KCNK10: variants seen among roughly 807,000 people sequenced by gnomAD.
KCNK10 encodes the protein potassium channel subfamily K member 10.
In KCNK10, 25 loss-of-function variants were observed where a neutral mutation model predicts 47.7. That is an observed-to-expected ratio of 0.52 (90% CI 0.38 to 0.73). The LOEUF (loss-of-function observed/expected upper bound fraction) is 0.73. Among genes scored for constraint, KCNK10 ranks in the 30% least tolerant of loss-of-function variants. KCNK10 has a pLI of 0.00. For synonymous variants in KCNK10, 303 were observed against 285.6 expected (o/e 1.06, Z -0.61); for missense variants, 563 against 714.5 (o/e 0.79, Z 2.42).
chr14:88,258,729 A>G (rs750146682), intron 2 of KCNK10, among the ~76,000 whole-genome samples: 13 of 152,232 alleles, frequency 8.5e-5, no homozygotes, highest in Admixed American at 2.0e-4. Flanking sequence ...CCTTCATAAC[A>G]GCAACCCATC....
At chr14:88,271,083 CTT>C (rs1566710291) in intron 1 of KCNK10, among the ~76,000 whole-genome samples, 1 of 152,130 alleles carries the variant, frequency 6.6e-6, no homozygotes, top group Non-Finnish European at 1.5e-5. Flanking sequence ...CCTCTTGACT[CTT>C]TTTTTGGTCA....
intron 4 of KCNK10, among the ~76,000 whole-genome samples, chr14:88,209,497 C>T (rs957628954): frequency 2.0e-5 from 3 of 152,234 alleles, no homozygotes; most frequent in South Asian, 2.1e-4. Context: ...CCAGAGGAGC[C>T]GACGAACCTG....
rs1566675247 is a variant in KCNK10 at position 88,183,715 on chromosome 14, G to A, written c.*1820C>T. The A allele has an allele frequency of 6.6e-6, 1 of 152,368 alleles. No individual in the cohort carries two copies. The highest frequency in any genetic ancestry group is 6.5e-5 in the Admixed American group (1 of 15,282). The allele number at this position is 152,368 out of a possible 1,614,324, so 9.4% of individuals were successfully genotyped here. A position where few individuals can be genotyped will look rare whatever the true frequency, so the allele number is the denominator to read the frequency against. ...AACTTCAACAGAGCCTAAAGGTCTG[G>A]GGACAGGGAGATGGGACTTCATGTG... On this transcript the variant is annotated 3_prime_UTR_variant, in exon 7 of 7. Coordinates refer to ENST00000319231, the MANE Select transcript of KCNK10 (RefSeq NM_138317.3).
At chr14:88,300,686 A>G (rs1476483930) in intron 1 of KCNK10, among the ~76,000 whole-genome samples, 3 of 152,178 alleles carry the variant, frequency 2.0e-5, no homozygotes, top group Non-Finnish European at 4.4e-5. Context: ...AACCTGGCTC[A>G]TCATAAGAAT....
intron 5 of KCNK10, 30 bp from the exon 6 acceptor site, chr14:88,188,139 T>C (rs1370608942): frequency 1.2e-6 from 2 of 1,612,604 alleles, no homozygotes; most frequent in Non-Finnish European, 1.7e-6. Flanking sequence ...ACTTTAACCA[T>C]GATCTAGCAT....
At chr14:88,193,812 C>T (rs1884825624) in intron 4 of KCNK10, among the ~76,000 whole-genome samples, 1 of 152,178 alleles carries the variant, frequency 6.6e-6, no homozygotes, top group Non-Finnish European at 1.5e-5. Context: ...ACGGAAACAG[C>T]TTTTCAAGTA....
rs948905098 is a variant in KCNK10, at chr14:88,183,867, G to A, written c.*1668C>T. The A allele has an allele frequency of 6.6e-6, 1 of 152,360 alleles. No homozygotes were observed. The highest frequency in any genetic ancestry group is 2.4e-5 in the African/African-American group (1 of 41,450). 9.4% of individuals were successfully genotyped at this position (152,360 alleles called of 1,614,324 possible). ...GTCAGAAAGCATGAGACAGTTTCTG[G>A]AAGTCTCCGCTAGTGCTGTGATCTT... On this transcript the variant is annotated 3_prime_UTR_variant, in exon 7 of 7. Coordinates refer to ENST00000319231, the MANE Select transcript of KCNK10 (RefSeq NM_138317.3).
At chr14:88,271,583 CCT>C (rs1887406730) in intron 1 of KCNK10, among the ~76,000 whole-genome samples, 1 of 152,114 alleles carries the variant, frequency 6.6e-6, no homozygotes, top group East Asian at 1.9e-4. Flanking sequence ...GAGCTACAAG[CCT>C]CTCTTTTACT....
At chr14:88,221,671 C>T (rs1243978370) in intron 4 of KCNK10, among the ~76,000 whole-genome samples, 1 of 152,154 alleles carries the variant, frequency 6.6e-6, no homozygotes, top group Non-Finnish European at 1.5e-5. Context: ...ATATTCTTAC[C>T]ATCCAATCCA....
intron 4 of KCNK10, among the ~76,000 whole-genome samples, chr14:88,222,561 G>C (rs1885851598): frequency 6.6e-6 from 1 of 152,162 alleles, no homozygotes; most frequent in Admixed American, 6.5e-5. Flanking sequence ...TGATAATGAT[G>C]CATCAATGTA....
intron 4 of KCNK10, among the ~76,000 whole-genome samples, chr14:88,203,259 T>G (rs868736704): frequency 6.6e-6 from 1 of 152,254 alleles, no homozygotes; most frequent in Non-Finnish European, 1.5e-5. Context: ...GATTTGGTCA[T>G]TGTTTTTAAC....
At chr14:88,264,119 A>G (rs1320193049) in intron 1 of KCNK10, among the ~76,000 whole-genome samples, 1 of 152,168 alleles carries the variant, frequency 6.6e-6, no homozygotes, top group Non-Finnish European at 1.5e-5. Context: ...AGGCATAACC[A>G]CTCCTGATCT....
chr14:88,286,823 G>A (rs1203293195), intron 1 of KCNK10, among the ~76,000 whole-genome samples: 1 of 152,074 alleles, frequency 6.6e-6, no homozygotes, highest in Non-Finnish European at 1.5e-5. Flanking sequence ...CTTCCCACCT[G>A]GTCCCACCCA....
Position 88,185,561 on chromosome 14 carries a change from T to G in KCNK10, c.1606A>C (p.Asn536His), listed in dbSNP as rs918004615. ...TDTKDREPEN[N>H]SLLEDRN ...TAGTTTCTGTCTTCAAGTAATGAGTTGTTCTCCGGCTCCCGGTCTTTGGTG... is the reference window on the plus strand; with the variant it reads ...TAGTTTCTGTCTTCAAGTAATGAGTGGTTCTCCGGCTCCCGGTCTTTGGTG... Residue 536 changes from asparagine (N) to histidine (H), a missense_variant, in exon 7 of 7, where the codon AAC (asparagine) becomes CAC (histidine). Asn to His is a moderately conservative substitution (Grantham distance 68, BLOSUM62 1). Coordinates refer to ENST00000319231, the MANE Select transcript of KCNK10 (RefSeq NM_138317.3). The surrounding 1 kb of genome is among the most constrained non-coding windows in gnomAD (Gnocchi z 4.3). 1 of 1,613,756 alleles carries G rather than the reference T, an allele frequency of 6.2e-7. No individual in the cohort carries two copies. Among genetic ancestry groups the G allele is most frequent in the Middle Eastern group, 1.7e-4 (1 of 6,060 alleles).
intron 3 of KCNK10, among the ~76,000 whole-genome samples, chr14:88,229,203 C>CA (rs1256413071): frequency 6.6e-6 from 1 of 152,150 alleles, no homozygotes; most frequent in East Asian, 1.9e-4. Context: ...ACTGGATGAA[C>CA]AGGCATCTCA....
Position 88,185,604 on chromosome 14 carries a change from G to A in KCNK10, c.1563C>T (p.Asn521=), listed in dbSNP as rs574796554. Residue 521 remains asparagine, a synonymous_variant, in exon 7 of 7, where the codon AAC becomes AAT. Transcript: ENST00000319231. The surrounding 1 kb of genome is among the most constrained non-coding windows in gnomAD (Gnocchi z 4.3). ...CTTTGGTGTCCGTGGGTATCATTCC[G>A]TTCTCCAACTCAGCGTGCTGCTGGA... The part of the protein sequence containing the change: ...DCIQQHAELE[N]GMIPTDTKDR... 2.2e-5 allele frequency: 35 copies of A among 1,614,092 alleles called. No individual in the cohort carries two copies. Among genetic ancestry groups the A allele is most frequent in the African/African-American group, 1.2e-4 (9 of 75,016 alleles).
intron 1 of KCNK10, among the ~76,000 whole-genome samples, chr14:88,293,781 T>G (rs993901618): frequency 2.0e-4 from 31 of 151,910 alleles, no homozygotes; most frequent in African/African-American, 7.5e-4. Flanking sequence ...GCTGAAGCGA[T>G]CCTCCTACCT....
At chr14:88,255,232 C>A (rs980332394) in intron 2 of KCNK10, among the ~76,000 whole-genome samples, 1 of 152,108 alleles carries the variant, frequency 6.6e-6, no homozygotes, top group African/African-American at 2.4e-5. Context: ...GGATACTCAC[C>A]ATTGATGCAA....
At chr14:88,222,338 C>A (rs8014623) in intron 4 of KCNK10, among the ~76,000 whole-genome samples, 44,326 of 151,910 alleles carry the variant, frequency 0.29, 7,129 homozygotes, top group East Asian at 0.48. Context: ...ATATTAATGA[C>A]ATTCTGGAAA....
Sources: gnomAD v4.1 joint callset for allele counts (sites outside exome capture counted in the v4.1 genomes callset) on GRCh38, gnomAD v4.1.1 for gene constraint, Gnocchi (gnomAD v3.1) non-coding constraint, MANE v1.5 for transcripts, NCBI Gene and HGNC (gene_info 2026-07-23, HGNC 2026-07-21) for gene names.